Variants in BNC2 observed in about 807,000 individuals in gnomAD.
BNC2 encodes basonuclin zinc finger protein 2.
BNC2 carries 20 observed loss-of-function variants against 76.3 expected under a neutral mutation model. The ratio of observed to expected loss-of-function variants is 0.26; its 90% confidence interval spans 0.18 to 0.38. BNC2 has a LOEUF of 0.38. Among genes scored for constraint, BNC2 ranks in the 10% least tolerant of loss-of-function variants. The pLI, the probability that BNC2 is intolerant of heterozygous loss-of-function variation, is 1.00. For missense variants in BNC2, 1,382 were observed against 1,399.8 expected (o/e 0.99, Z 0.20); for synonymous variants, 582 against 514.8 (o/e 1.13, Z -1.77).
intron 3 of BNC2, among the ~76,000 whole-genome samples, chr9:16,691,287 C>T (rs1823152890): frequency 1.3e-5 from 2 of 152,062 alleles, no homozygotes; most frequent in Admixed American, 6.5e-5. Flanking sequence ...AAAACTGAGA[C>T]CTATCACTAT....
chr9:16,503,456 A>C lies in BNC2; in HGVS notation c.669+49074T>G, dbSNP rs1481979014. Among the ~76,000 whole-genome samples the C allele has an allele frequency of 1.1e-4, 17 of 151,986 alleles. 1 individual carries two copies. Among genetic ancestry groups the C allele is most frequent in the Non-Finnish European group, 2.4e-4 (16 of 67,978 alleles). ...GTTTCCCTAAGAATTTTTTTTTCTA[A>C]ATCAAAAATACAAAATACATGGGCC... On this transcript the variant is annotated intron_variant, in intron 5 of 6. Coordinates refer to ENST00000380672, the MANE Select transcript of BNC2 (RefSeq NM_017637.6).
intron 6 of BNC2, among the ~76,000 whole-genome samples, chr9:16,431,186 A>C (rs1217899661): frequency 6.6e-6 from 1 of 152,252 alleles, no homozygotes; most frequent in Non-Finnish European, 1.5e-5. Context: ...ACTGCCAATC[A>C]TTAAGACAAA....
At chr9:16,747,595 G>T (rs774539094) in intron 1 of BNC2, among the ~76,000 whole-genome samples, 1 of 152,148 alleles carries the variant, frequency 6.6e-6, no homozygotes, top group Non-Finnish European at 1.5e-5. Flanking sequence ...CTTATATTAA[G>T]GGTCAAACTG....
chr9:16,832,980 T>TCC (rs890045537), intron 1 of BNC2, among the ~76,000 whole-genome samples: 21 of 152,018 alleles, frequency 1.4e-4, no homozygotes, highest in African/African-American at 5.1e-4. Flanking sequence ...TGCCTTGACC[T>TCC]CCCAAAGTGC....
chr9:16,508,824 T>TTTTC (rs894752202), intron 5 of BNC2, among the ~76,000 whole-genome samples: 2 of 151,480 alleles, frequency 1.3e-5, no homozygotes, highest in Admixed American at 1.3e-4. Flanking sequence ...TGCACATCTT[T>TTTTC]TTTTTTTTTT....
intron 1 of BNC2, among the ~76,000 whole-genome samples, chr9:16,857,052 T>A (rs1316643089): frequency 6.6e-6 from 1 of 152,200 alleles, no homozygotes. Context: ...CATGTCAAAA[T>A]ACATCATAAA....
intron 1 of BNC2, among the ~76,000 whole-genome samples, chr9:16,785,295 T>C (rs138526048): frequency 1.3e-5 from 2 of 152,280 alleles, no homozygotes; most frequent in Non-Finnish European, 2.9e-5. Context: ...GGATGAACAG[T>C]TGTTCTCCAT....
intron 5 of BNC2, among the ~76,000 whole-genome samples, chr9:16,480,811 G>A (rs934272479): frequency 1.3e-5 from 2 of 152,134 alleles, no homozygotes; most frequent in Non-Finnish European, 2.9e-5. Flanking sequence ...GGGCTCCTGT[G>A]CGGCCTGAGC....
intron 3 of BNC2, among the ~76,000 whole-genome samples, chr9:16,663,567 G>A (rs1223868794): frequency 6.6e-6 from 1 of 152,046 alleles, no homozygotes; most frequent in Non-Finnish European, 1.5e-5. Flanking sequence ...GATATTCTTG[G>A]TACTAATATT....
intron 4 of BNC2, among the ~76,000 whole-genome samples, chr9:16,573,346 T>G (rs1041059404): frequency 1.3e-5 from 2 of 152,138 alleles, no homozygotes; most frequent in African/African-American, 4.8e-5. Context: ...GTATTTGACA[T>G]GATAAATCAA....
intron 5 of BNC2, among the ~76,000 whole-genome samples, chr9:16,506,240 A>G (rs550433346): frequency 1.3e-5 from 2 of 152,316 alleles, no homozygotes; most frequent in South Asian, 2.1e-4. Flanking sequence ...AAAAGTCACA[A>G]AAATACTTAT....
At chr9:16,448,963 A>T (rs536854492) in intron 5 of BNC2, among the ~76,000 whole-genome samples, 1 of 152,320 alleles carries the variant, frequency 6.6e-6, no homozygotes, top group South Asian at 2.1e-4. Flanking sequence ...TTAATAAGCC[A>T]CTATCAACGT....
intron 4 of BNC2, among the ~76,000 whole-genome samples, chr9:16,573,179 C>G (rs12343239): frequency 0.18 from 26,257 of 143,722 alleles, 4,456 homozygotes; most frequent in African/African-American, 0.45. Context: ...AATGAGATGA[C>G]ATTGCACCAT....
Position 16,418,900 on chromosome 9 carries a change from CCCCAAGT to C in BNC2, c.*82_*88del. 7.1e-7 allele frequency: 1 copy of C among 1,417,076 alleles called. No individual in the cohort carries two copies. Among genetic ancestry groups the C allele is most frequent in the Non-Finnish European group, 1.0e-6 (1 of 1,003,148 alleles). The allele number at this position is 1,417,076 out of a possible 1,614,324, so 87.8% of individuals were successfully genotyped here. On this transcript the variant is annotated 3_prime_UTR_variant, in exon 7 of 7. Coordinates refer to ENST00000380672, the MANE Select transcript of BNC2 (RefSeq NM_017637.6). ...ACACACACACACACACACACACACA[CCCCAAGT>C]ACATAAGCGCACACTGACTATGGCA...
At chr9:16,735,299 A>T (rs917848873) in intron 2 of BNC2, among the ~76,000 whole-genome samples, 1 of 152,098 alleles carries the variant, frequency 6.6e-6, no homozygotes, top group Non-Finnish European at 1.5e-5. Flanking sequence ...CTCAAGTCCA[A>T]ACAGTAACAG....
chr9:16,756,864 G>A (rs1825397943), intron 1 of BNC2, among the ~76,000 whole-genome samples: 1 of 152,020 alleles, frequency 6.6e-6, no homozygotes, highest in Admixed American at 6.6e-5. Context: ...GGTGGCAGGT[G>A]CCTGTAGTCC....
At chr9:16,706,814 C>T (rs1823688047) in intron 3 of BNC2, among the ~76,000 whole-genome samples, 1 of 152,120 alleles carries the variant, frequency 6.6e-6, no homozygotes, top group Non-Finnish European at 1.5e-5. Context: ...GAGAATCAAT[C>T]CAACTCAGAA....
intron 4 of BNC2, among the ~76,000 whole-genome samples, chr9:16,574,594 C>G (rs1819429604): frequency 6.6e-6 from 1 of 152,134 alleles, no homozygotes; most frequent in Non-Finnish European, 1.5e-5. Flanking sequence ...AACTGGTGAC[C>G]TGACCTCTGC....
intron 3 of BNC2, among the ~76,000 whole-genome samples, chr9:16,715,538 C>G (rs1823974698): frequency 6.6e-6 from 1 of 152,134 alleles, no homozygotes; most frequent in Admixed American, 6.5e-5. Context: ...TTGTTTAGAC[C>G]ACACAGTTTT....
Sources: gnomAD v4.1 joint callset for allele counts (sites outside exome capture counted in the v4.1 genomes callset) on GRCh38, gnomAD v4.1.1 for gene constraint, MANE v1.5 for transcripts, NCBI Gene and HGNC (gene_info 2026-07-23, HGNC 2026-07-21) for gene names.